Variants in MARVELD2 observed in about 807,000 individuals in gnomAD.
The protein encoded by MARVELD2 is MARVEL domain-containing protein 2.
Under a neutral mutation model 57.6 loss-of-function variants are expected in MARVELD2, and 49 were observed. That is an observed-to-expected ratio of 0.85 (90% CI 0.68 to 1.08). The LOEUF is 1.08. MARVELD2 is among the 50% of genes least tolerant of loss of function. MARVELD2 has a pLI of 0.00. For synonymous variants in MARVELD2, 238 were observed against 258.8 expected, an observed-to-expected ratio of 0.92 and a Z score of 0.77; for missense variants, 606 against 701.1, an observed-to-expected ratio of 0.86 and a Z score of 1.53.
In MARVELD2 at chr5:69,440,450, G is replaced by C; in HGVS notation, c.1504G>C (p.Glu502Gln). ...TAAGTATACAATGTATTATTTTTAG[G>C]AACATGAGAGAATTTCAAGAATCCA... is the stretch of plus-strand genomic sequence containing the variant. ...RLPHHSESRQ[E>Q]HERISRIHEE... Residue 502 changes from glutamate to glutamine, a missense_variant and splice_region_variant, in exon 6 of 7, where the codon GAA becomes CAA. Glu to Gln is a conservative substitution (Grantham distance 29). Coordinates refer to ENST00000325631, the MANE Select transcript of MARVELD2 (RefSeq NM_001038603.3). The C allele has an allele frequency of 1.4e-6, 2 of 1,383,388 alleles. No homozygotes were observed. Among genetic ancestry groups the C allele is most frequent in the South Asian group, 2.3e-5 (2 of 85,788 alleles). 85.7% of individuals were successfully genotyped at this position (1,383,388 alleles called of 1,614,324 possible).
At chr5:69,439,320 C>T (rs1304728530) in intron 5 of MARVELD2, among the ~76,000 whole-genome samples, 2 of 151,892 alleles carry the variant, frequency 1.3e-5, no homozygotes, top group African/African-American at 2.4e-5. Flanking sequence ...GCCACCATGC[C>T]TGGCTAATTT....
At chr5:69,432,875 T>A (rs1767008657) in intron 4 of MARVELD2, 47 bp from the exon 5 acceptor site, 1 of 1,610,780 alleles carries the variant, frequency 6.2e-7, no homozygotes, top group East Asian at 2.2e-5. Context: ...CCCATTCAGC[T>A]TCTTTTAGTG....
intron 3 of MARVELD2, among the ~76,000 whole-genome samples, chr5:69,430,002 T>G (rs995239253): frequency 6.6e-6 from 1 of 151,900 alleles, no homozygotes; most frequent in African/African-American, 2.4e-5. Flanking sequence ...ACCTCCTGGG[T>G]TTAAGTAATC....
intron 2 of MARVELD2, among the ~76,000 whole-genome samples, chr5:69,421,494 T>C (rs191016171): frequency 3.8e-4 from 58 of 152,334 alleles, no homozygotes; most frequent in Non-Finnish European, 7.2e-4. Context: ...ACATGGTATA[T>C]ATTGGGCAAA....
chr5:69,422,809 T>A (rs1766670803), intron 2 of MARVELD2, among the ~76,000 whole-genome samples: 1 of 152,210 alleles, frequency 6.6e-6, no homozygotes, highest in Non-Finnish European at 1.5e-5. Context: ...ATGTCTCCCC[T>A]GCACACCCAG....
At chr5:69,435,697 G>A (rs575922692) in intron 5 of MARVELD2, among the ~76,000 whole-genome samples, 1 of 149,360 alleles carries the variant, frequency 6.7e-6, no homozygotes, top group African/African-American at 2.5e-5. Context: ...AGGTTGCAGT[G>A]GGCCAAGATT....
chr5:69,434,380 A>T (rs1767068747), intron 5 of MARVELD2, among the ~76,000 whole-genome samples: 3 of 151,756 alleles, frequency 2.0e-5, no homozygotes, highest in Admixed American at 2.0e-4. Flanking sequence ...GATTGCCTGA[A>T]CCCAGGAGGT....
chr5:69,433,025 G>A lies in MARVELD2; in HGVS notation c.1435G>A (p.Val479Ile), dbSNP rs563770751. The A allele has an allele frequency of 4.6e-5, 74 of 1,614,228 alleles. 2 individuals carry two copies. In the South Asian group the frequency reaches 7.7e-4, roughly 17 times the overall value. ...YKELSAEVQA[V>I]LRKFDELDAV... ...AGAGCTGTCTGCAGAAGTTCAGGCT[G>A]TCCTGAGGAAGTTTGATGAGCTGGA... Residue 479 changes from valine (V) to isoleucine (I), a missense_variant, in exon 5 of 7, where the codon GTC becomes ATC. Coordinates refer to ENST00000325631, the MANE Select transcript of MARVELD2 (RefSeq NM_001038603.3).
At chr5:69,425,193 A>G (rs1244139157) in intron 3 of MARVELD2, among the ~76,000 whole-genome samples, 2 of 142,176 alleles carry the variant, frequency 1.4e-5, no homozygotes, top group African/African-American at 5.1e-5. Flanking sequence ...GAATTGAACA[A>G]TGAGATCACA....
In MARVELD2 at chr5:69,441,678, T is replaced by TTTTTA; in HGVS notation, c.*39_*43dup. The TTTTTA allele has an allele frequency of 6.7e-7, 1 of 1,497,294 alleles. No individual in the cohort carries two copies. The highest frequency in any genetic ancestry group is 9.2e-7 in the Non-Finnish European group (1 of 1,082,108). 92.8% of individuals were successfully genotyped at this position (1,497,294 alleles called of 1,614,324 possible). ...AACGCTTATTTGAAACCACTTTATTTTTTTATTTTATTTTATTTTTTTGAG... is the reference window on the plus strand; with the variant it reads ...AACGCTTATTTGAAACCACTTTATTTTTTTATTTTATTTTATTTTATTTTTTTGAG... On this transcript the variant is annotated 3_prime_UTR_variant, in exon 7 of 7. Transcript: ENST00000325631.
Position 69,419,382 on chromosome 5 carries a change from A to G in MARVELD2, c.-4A>G. The G allele has an allele frequency of 6.2e-7, 1 of 1,614,220 alleles. No homozygotes were observed. Among genetic ancestry groups the G allele is most frequent in the Non-Finnish European group, 8.5e-7 (1 of 1,180,042 alleles). On this transcript the variant is annotated 5_prime_UTR_variant, in exon 2 of 7. Coordinates refer to ENST00000325631, the MANE Select transcript of MARVELD2 (RefSeq NM_001038603.3). ...AAATTTGGCCACAGGTGTGAAAATC[A>G]CAAATGTCAAATGATGGAAGATCCA...
At chr5:69,427,126 AT>A (rs1184238256) in intron 3 of MARVELD2, among the ~76,000 whole-genome samples, 1 of 152,202 alleles carries the variant, frequency 6.6e-6, no homozygotes, top group Non-Finnish European at 1.5e-5. Flanking sequence ...AATTAATATA[AT>A]TTTTAAAAGC....
rs35663517 is a variant in MARVELD2 at position 69,436,452 on chromosome 5, CATAT to C, written c.1503+3365_1503+3368del. 8.8e-3 allele frequency among the ~76,000 whole-genome samples: 613 copies of C among 69,510 alleles called. 5 individuals carry two copies. Among genetic ancestry groups the C allele is most frequent in the African/African-American group, 0.023 (532 of 23,480 alleles). 45.6% of individuals were successfully genotyped at this position (69,510 alleles called of 152,430 possible). Reference sequence around the variant, plus strand: ...ACACACACACACACACACACACACACATATATATAAATTTTTTACCTGAGAAGTT... The same window carrying C: ...ACACACACACACACACACACACACACATATAAATTTTTTACCTGAGAAGTT... On this transcript the variant is annotated intron_variant, in intron 5 of 6. Transcript: ENST00000325631.
chr5:69,435,022 C>CT (rs754658859), intron 5 of MARVELD2, among the ~76,000 whole-genome samples: 3,356 of 121,684 alleles, frequency 0.028, 90 homozygotes, highest in Non-Finnish European at 0.046. Context: ...CAGATGTACT[C>CT]TTTTTTTTTT....
chr5:69,434,013 G>A (rs1275876696), intron 5 of MARVELD2, among the ~76,000 whole-genome samples: 1 of 151,818 alleles, frequency 6.6e-6, no homozygotes, highest in African/African-American at 2.4e-5. Context: ...GGGTCCCAAA[G>A]GAGACAGATA....
intron 3 of MARVELD2, among the ~76,000 whole-genome samples, chr5:69,428,916 C>T (rs1311470278): frequency 6.6e-6 from 1 of 152,058 alleles, no homozygotes; most frequent in African/African-American, 2.4e-5. Flanking sequence ...AAAAATGCTC[C>T]CCCTAATGTT....
Position 69,419,556 on chromosome 5 carries a change from C to T in MARVELD2, c.171C>T (p.Phe57=), listed in dbSNP as rs142002229. 9.3e-6 allele frequency: 15 copies of T among 1,613,992 alleles called. No homozygotes were observed. Among genetic ancestry groups the T allele is most frequent in the African/African-American group, 2.7e-5 (2 of 74,912 alleles). Residue 57 remains phenylalanine (F), a synonymous_variant, in exon 2 of 7, where the codon TTC becomes TTT. Coordinates refer to ENST00000325631, the MANE Select transcript of MARVELD2 (RefSeq NM_001038603.3). ...CCCCTCTCCCATTACAGCCACCATT[C>T]GGCCCAGACTTCTACTCAAGTGACA... The part of the protein sequence containing the change: ...PPPPLPLQPP[F]GPDFYSSDTE...
chr5:69,419,342 A>G, intron 1 of MARVELD2, 29 bp from the exon 2 acceptor site: 1 of 1,610,150 alleles, frequency 6.2e-7, no homozygotes, highest in Non-Finnish European at 8.5e-7. Flanking sequence ...GTAACTAATC[A>G]TAAGTGATAA....
chr5:69,420,392 G>A lies in MARVELD2; in HGVS notation c.1007G>A (p.Arg336Gln), dbSNP rs375420522. Residue 336 changes from arginine to glutamine, a missense_variant, in exon 2 of 7, where the codon CGG becomes CAG. Arg to Gln is a conservative substitution (Grantham distance 43). Transcript: ENST00000325631. ...FNTPVNAVFCRVEGGQIAAMI... is the reference protein window; with the variant it reads ...FNTPVNAVFCQVEGGQIAAMI... The stretch of plus-strand genomic sequence containing the variant: ...ACACCAGTGAATGCAGTGTTCTGCC[G>A]GGTAGAAGGAGGACAGATAGCTGCA... The A allele has an allele frequency of 3.3e-5, 54 of 1,613,896 alleles. No individual in the cohort carries two copies. Among genetic ancestry groups the A allele is most frequent in the Non-Finnish European group, 3.3e-5 (39 of 1,180,026 alleles).
Sources: allele counts gnomAD v4.1 joint callset (sites outside exome capture counted in the v4.1 genomes callset), GRCh38; gene constraint gnomAD v4.1.1; transcripts MANE v1.5; gene names NCBI Gene and HGNC (gene_info 2026-07-23, HGNC 2026-07-21).